The following ABCB9 variants were observed in gnomAD, a reference collection of about 807,000 sequenced individuals.
ABCB9 encodes ATP binding cassette subfamily B member 9, also known as ABC-type oligopeptide transporter ABCB9.
A neutral mutation model predicts 62.0 loss-of-function variants in ABCB9; 36 were observed. That is an observed-to-expected ratio of 0.58 (90% CI 0.45 to 0.77). ABCB9 has a LOEUF of 0.77. Among genes scored for constraint, ABCB9 ranks in the 30% least tolerant of loss-of-function variants. The pLI is 0.00. For synonymous variants in ABCB9, 435 were observed against 461.4 expected (o/e 0.94, Z 0.73); for missense variants, 943 against 1,054.7 (o/e 0.89, Z 1.47).
In ABCB9 at chr12:122,940,014, T is replaced by A; in HGVS notation, c.1743+97A>T. 2.8e-6 allele frequency: 4 copies of A among 1,436,296 alleles called. No homozygotes were observed. Among genetic ancestry groups the A allele is most frequent in the South Asian group, 2.7e-5 (2 of 74,590 alleles). 89.0% of individuals were successfully genotyped at this position (1,436,296 alleles called of 1,614,324 possible). A position where few individuals can be genotyped will look rare whatever the true frequency, so the allele number is the denominator to read the frequency against. On this transcript the variant is annotated intron_variant, in intron 9 of 11. Coordinates refer to ENST00000280560, the MANE Select transcript of ABCB9 (RefSeq NM_019625.4). This position sits in a 1 kb window ranked among gnomAD's most constrained non-coding sequence, Gnocchi z 4.8. ...GTGATAATTCTTTGAACTGTCCATTTATCTCTAGTGCCCTCTTCCGCACCT... is the reference window on the plus strand; with the variant it reads ...GTGATAATTCTTTGAACTGTCCATTAATCTCTAGTGCCCTCTTCCGCACCT...
chr12:122,920,162 T>C (rs1243310925), downstream of ABCB9, among the ~76,000 whole-genome samples: 2 of 152,248 alleles, frequency 1.3e-5, no homozygotes, highest in East Asian at 3.9e-4. Context: ...ATTACAGGCA[T>C]GAGCCACCAC....
chr12:122,935,178 G>C (rs927990676), intron 10 of ABCB9, 94 bp downstream of exon 10: 5 of 1,386,004 alleles, frequency 3.6e-6, no homozygotes, highest in Non-Finnish European at 4.7e-6. Context: ...ACAAAAAAAA[G>C]AGCAGGTGGC....
intron 7 of ABCB9, among the ~76,000 whole-genome samples, chr12:122,942,567 C>G (rs2035821799): frequency 7.3e-6 from 1 of 136,832 alleles, no homozygotes; most frequent in African/African-American, 2.8e-5. Flanking sequence ...TGCGGTGAGC[C>G]AAGATTGCAC....
At chr12:122,960,958 G>A (rs1441751937) in intron 1 of ABCB9, among the ~76,000 whole-genome samples, 1 of 151,986 alleles carries the variant, frequency 6.6e-6, no homozygotes, top group Non-Finnish European at 1.5e-5. Context: ...CTACTTGGGA[G>A]GCCAAGATGG....
At chr12:122,926,671 T>C (rs2135739675), downstream of ABCB9, among the ~76,000 whole-genome samples, 1 of 152,232 alleles carries the variant, frequency 6.6e-6, no homozygotes, top group Middle Eastern at 3.4e-3. Context: ...GGAGGATTGA[T>C]TGAGGCCAGG....
chr12:122,946,600 CGGTTGTTCA>C (rs1457655207), intron 5 of ABCB9: 1 of 272,512 alleles, frequency 3.7e-6, no homozygotes, highest in African/African-American at 2.2e-5. Flanking sequence ...ATGCCTTGGA[CGGTTGTTCA>C]GGTTGTACAC....
At position 122,940,242 on chromosome 12, in the gene ABCB9, C is replaced by G; in HGVS notation, c.1612G>C (p.Val538Leu). The G allele has an allele frequency of 6.2e-7, 1 of 1,609,950 alleles. No homozygotes were observed. Among genetic ancestry groups the G allele is most frequent in the Non-Finnish European group, 8.5e-7 (1 of 1,177,520 alleles). The stretch of plus-strand genomic sequence containing the variant: ...CTCTTCCCACTGCCCGAGGGCCCCA[C>G]CAGGGCCGTCACCTTGCCGGGGGAC... ...SLSPGKVTAL[V>L]GPSGSGKSSC... Residue 538 changes from valine (V) to leucine (L), a missense_variant, in exon 9 of 12, where the codon GTG becomes CTG. Physicochemically the swap from Val to Leu is conservative, Grantham distance 32. Coordinates refer to ENST00000280560, the MANE Select transcript of ABCB9 (RefSeq NM_019625.4). The surrounding 1 kb of genome is among the most constrained non-coding windows in gnomAD (Gnocchi z 4.8).
chr12:122,939,529 GTTCTAT>G (rs1177462300), intron 9 of ABCB9: 1 of 152,348 alleles, frequency 6.6e-6, no homozygotes, highest in Non-Finnish European at 1.5e-5. Context: ...GTGCCAGAAT[GTTCTAT>G]TTCTTTTTTT....
chr12:122,968,550 G>A (rs949601365), upstream of ABCB9, among the ~76,000 whole-genome samples: 1 of 151,928 alleles, frequency 6.6e-6, no homozygotes, highest in African/African-American at 2.4e-5. Flanking sequence ...GAAACAATTC[G>A]GCCTCATCAC....
intron 2 of ABCB9, among the ~76,000 whole-genome samples, chr12:122,954,222 T>C (rs1320318911): frequency 6.6e-6 from 1 of 152,128 alleles, no homozygotes; most frequent in Admixed American, 6.5e-5. Context: ...TTTTTATTTT[T>C]TTTGAGACGG....
chr12:122,937,458 A>G (rs2035519976), intron 9 of ABCB9, among the ~76,000 whole-genome samples: 1 of 152,226 alleles, frequency 6.6e-6, no homozygotes, highest in Non-Finnish European at 1.5e-5. Flanking sequence ...GGTGTTTAAT[A>G]TCTTCAGTCA....
intron 11 of ABCB9, chr12:122,921,077 A>G (rs1410354829): frequency 6.5e-7 from 1 of 1,534,850 alleles, no homozygotes; most frequent in South Asian, 1.2e-5. Flanking sequence ...GCTAAATGTC[A>G]AAGGAAACAT....
downstream of ABCB9, among the ~76,000 whole-genome samples, chr12:122,920,150 G>C (rs2034713595): frequency 6.6e-6 from 1 of 151,984 alleles, no homozygotes. Flanking sequence ...CAAAGTGCTG[G>C]GATTACAGGC....
chr12:122,920,362 G>GA (rs74263734), downstream of ABCB9, among the ~76,000 whole-genome samples: 1,204 of 103,260 alleles, frequency 0.012, 17 homozygotes, highest in African/African-American at 0.03. Flanking sequence ...AACTGCAAAG[G>GA]AAAAAAAAAA....
downstream of ABCB9, among the ~76,000 whole-genome samples, chr12:122,925,505 T>C (rs1329399645): frequency 6.6e-6 from 1 of 152,002 alleles, no homozygotes; most frequent in Non-Finnish European, 1.5e-5. Flanking sequence ...TCCTAGCACT[T>C]TGGGAGGCCG....
upstream of ABCB9, among the ~76,000 whole-genome samples, chr12:122,968,045 C>T (rs1213156863): frequency 6.6e-6 from 1 of 151,526 alleles, no homozygotes; most frequent in Non-Finnish European, 1.5e-5. Context: ...TTAGAGAACA[C>T]CTGTTCAACA....
chr12:122,931,308 A>AGCC (rs1362569408), intron 11 of ABCB9: 1 of 147,920 alleles, frequency 6.8e-6, no homozygotes. Context: ...TATAGGCATA[A>AGCC]ACCACTGCGC....
At chr12:122,937,023 CACCACATT>C (rs2035491093) in intron 9 of ABCB9, among the ~76,000 whole-genome samples, 1 of 151,858 alleles carries the variant, frequency 6.6e-6, no homozygotes, top group African/African-American at 2.4e-5. Context: ...ATGATCACAC[CACCACATT>C]CCAGCCTGGG....
At chr12:122,921,143 G>A in intron 11 of ABCB9, 2 of 1,201,714 alleles carry the variant, frequency 1.7e-6, no homozygotes, top group Non-Finnish European at 2.4e-6. Flanking sequence ...GGCTGGGCGT[G>A]ATGGGGCACA....
Sources: allele counts gnomAD v4.1 joint callset (sites outside exome capture counted in the v4.1 genomes callset), GRCh38; gene constraint gnomAD v4.1.1; non-coding constraint Gnocchi (gnomAD v3.1); transcripts MANE v1.5; gene names NCBI Gene and HGNC (gene_info 2026-07-23, HGNC 2026-07-21).